Variants in CHST9 observed in about 807,000 individuals in gnomAD.
CHST9 encodes carbohydrate sulfotransferase 9.
Under a neutral mutation model 44.4 loss-of-function variants are expected in CHST9, and 41 were observed. The observed-to-expected ratio is 0.92, with a 90% confidence interval of 0.72 to 1.20. The LOEUF (loss-of-function observed/expected upper bound fraction) is 1.20. CHST9 is among the 50% of genes most tolerant of loss of function. The pLI, the probability that CHST9 is intolerant of heterozygous loss-of-function variation, is 0.00. For missense variants in CHST9, 504 were observed against 516.5 expected (o/e 0.98, Z 0.23); for synonymous variants, 171 against 178.4 (o/e 0.96, Z 0.33).
chr18:27,113,433 C>T (rs2058292243), intron 2 of CHST9, among the ~76,000 whole-genome samples: 1 of 152,142 alleles, frequency 6.6e-6, no homozygotes. Flanking sequence ...TAATATGCCT[C>T]ATTTAATAAT....
At chr18:26,944,825 T>C (rs994370477) in intron 4 of CHST9, among the ~76,000 whole-genome samples, 1 of 152,022 alleles carries the variant, frequency 6.6e-6, no homozygotes, top group Non-Finnish European at 1.5e-5. Flanking sequence ...ATTTCTTACG[T>C]GGGAAGTGAT....
chr18:26,911,159 G>A lies in CHST9; in HGVS notation c.*5100C>T, dbSNP rs232356. The A allele has an allele frequency of 0.84, 127,848 of 152,148 alleles. 53,836 individuals are homozygous for A. The highest frequency in any genetic ancestry group is 0.89 in the African/African-American group (36,760 of 41,504). The allele number at this position is 152,148 out of a possible 1,614,324, so 9.4% of individuals were successfully genotyped here. A position where few individuals can be genotyped will look rare whatever the true frequency, so the allele number is the denominator to read the frequency against. On this transcript the variant is annotated 3_prime_UTR_variant, in exon 6 of 6. Coordinates refer to ENST00000618847, the MANE Select transcript of CHST9 (RefSeq NM_031422.6). ...CTGAAGGTCACAGGCAGAAATATAC[G>A]AATTCTACACTAAAAGAAGTTGTAC...
chr18:27,150,446 G>A (rs2058650526), intron 1 of CHST9, among the ~76,000 whole-genome samples: 1 of 152,140 alleles, frequency 6.6e-6, no homozygotes, highest in South Asian at 2.1e-4. Context: ...CTTAGTCCCT[G>A]TCCTTGTCTT....
intron 2 of CHST9, among the ~76,000 whole-genome samples, chr18:27,099,937 A>C (rs2058154452): frequency 6.6e-6 from 1 of 152,092 alleles, no homozygotes; most frequent in Non-Finnish European, 1.5e-5. Flanking sequence ...TGCTCATTGC[A>C]CTATTCACAA....
intron 2 of CHST9, among the ~76,000 whole-genome samples, chr18:27,113,564 G>A (rs1170806367): frequency 1.3e-5 from 2 of 152,080 alleles, no homozygotes; most frequent in Non-Finnish European, 2.9e-5. Context: ...TGGTGCCCTT[G>A]GGAATGGGAT....
At chr18:27,090,743 A>G (rs990559726) in intron 2 of CHST9, among the ~76,000 whole-genome samples, 13 of 152,284 alleles carry the variant, frequency 8.5e-5, no homozygotes, top group African/African-American at 3.1e-4. Flanking sequence ...TTTGTCAAAG[A>G]TCAGATGGTT....
intron 1 of CHST9, among the ~76,000 whole-genome samples, chr18:27,181,233 T>C (rs1269352620): frequency 1.3e-5 from 2 of 152,192 alleles, no homozygotes; most frequent in East Asian, 3.8e-4. Flanking sequence ...AAAATCTATG[T>C]CCAACTAAAA....
Position 27,045,650 on chromosome 18 carries a change from C to T in CHST9, c.160+2815G>A, listed in dbSNP as rs183514601. ...CCAAATTTAGTTTTGATGTTTCTAA[C>T]CATATTCTATGACTATGACATAGAC... On this transcript the variant is annotated intron_variant, in intron 3 of 5. Transcript: ENST00000618847. Among the ~76,000 whole-genome samples the T allele has an allele frequency of 3.7e-4, 56 of 151,996 alleles. 1 individual carries two copies. The highest frequency in any genetic ancestry group is 4.1e-4 in the Non-Finnish European group (28 of 67,924).
At chr18:26,992,677 G>A (rs1354364200) in intron 4 of CHST9, among the ~76,000 whole-genome samples, 1 of 151,404 alleles carries the variant, frequency 6.6e-6, no homozygotes, top group East Asian at 1.9e-4. Context: ...CCTTATATTT[G>A]GTATTGACTA....
At position 26,995,424 on chromosome 18, in the gene CHST9, C is replaced by T. The variant is rs150029373; in HGVS notation, c.202+28692G>A. Among the ~76,000 whole-genome samples, 1,149 of 127,782 alleles carry T rather than the reference C, an allele frequency of 9.0e-3. 20 individuals are homozygous for T. The highest frequency in any genetic ancestry group is 0.034 in the African/African-American group (1,096 of 32,586). The allele number at this position is 127,782 out of a possible 152,430, so 83.8% of individuals were successfully genotyped here. ...CTACACTGCAACCCGGGTGACAGAG[C>T]GAGACTCCGTCTCAAAAAAAAAAAA... is the stretch of plus-strand genomic sequence containing the variant. On this transcript the variant is annotated intron_variant, in intron 4 of 5. Transcript: ENST00000618847.
chr18:26,999,597 T>A (rs1030385158), intron 4 of CHST9, among the ~76,000 whole-genome samples: 9 of 152,076 alleles, frequency 5.9e-5, no homozygotes, highest in Non-Finnish European at 1.3e-4. Flanking sequence ...TAAATTTAAA[T>A]AGAACAAACA....
chr18:27,064,753 T>C (rs560245625), intron 2 of CHST9, among the ~76,000 whole-genome samples: 4 of 152,230 alleles, frequency 2.6e-5, no homozygotes, highest in Admixed American at 6.5e-5. Context: ...CCATATTCAA[T>C]AGGACACTGC....
intron 5 of CHST9, among the ~76,000 whole-genome samples, chr18:26,939,717 A>G (rs1464745704): frequency 3.9e-5 from 6 of 152,098 alleles, no homozygotes; most frequent in Non-Finnish European, 7.4e-5. Context: ...GGCCTGATTC[A>G]TTGCTTGGAA....
intron 2 of CHST9, among the ~76,000 whole-genome samples, chr18:27,092,197 T>C (rs959362764): frequency 4.6e-5 from 7 of 152,356 alleles, no homozygotes; most frequent in African/African-American, 1.7e-4. Context: ...CAGGAATTTA[T>C]CCATTTCTCC....
intron 4 of CHST9, among the ~76,000 whole-genome samples, chr18:27,023,800 TAAAA>T (rs1467358016): frequency 6.6e-6 from 1 of 152,156 alleles, no homozygotes; most frequent in Non-Finnish European, 1.5e-5. Context: ...ACTTTTAAAA[TAAAA>T]ATAGAAAAAT....
chr18:26,951,398 C>T (rs1443968754), intron 4 of CHST9, among the ~76,000 whole-genome samples: 1 of 152,150 alleles, frequency 6.6e-6, no homozygotes, highest in Non-Finnish European at 1.5e-5. Flanking sequence ...TTCTAAACCT[C>T]TTTCAGGTAA....
At chr18:26,997,734 T>C (rs1018784856) in intron 4 of CHST9, among the ~76,000 whole-genome samples, 7 of 152,190 alleles carry the variant, frequency 4.6e-5, no homozygotes, top group Admixed American at 2.0e-4. Context: ...TAATAGCACA[T>C]AACCACTTTA....
At chr18:26,958,070 G>C (rs1274476304) in intron 4 of CHST9, among the ~76,000 whole-genome samples, 4 of 112,710 alleles carry the variant, frequency 3.5e-5, no homozygotes, top group African/African-American at 1.2e-4. Flanking sequence ...ATTTTTAGTA[G>C]ACATGGGGTT....
At chr18:26,937,417 G>T (rs1187484655) in intron 5 of CHST9, among the ~76,000 whole-genome samples, 1 of 152,148 alleles carries the variant, frequency 6.6e-6, no homozygotes, top group African/African-American at 2.4e-5. Flanking sequence ...ATTAATTAGG[G>T]TGGTCATAAG....
Sources: allele counts gnomAD v4.1 joint callset (sites outside exome capture counted in the v4.1 genomes callset), GRCh38; gene constraint gnomAD v4.1.1; transcripts MANE v1.5; gene names NCBI Gene and HGNC (gene_info 2026-07-23, HGNC 2026-07-21).